The following RALY variants were observed in gnomAD, a reference collection of about 807,000 sequenced individuals.
RALY encodes the protein RALY heterogeneous nuclear ribonucleoprotein.
A neutral mutation model predicts 30.7 loss-of-function variants in RALY; 15 were observed. The ratio of observed to expected loss-of-function variants is 0.49; its 90% CI spans 0.33 to 0.75. RALY has a LOEUF of 0.75. Among genes scored for constraint, RALY ranks in the 30% least tolerant of loss-of-function variants. The pLI is 0.02. For missense variants in RALY, 339 were observed against 414.3 expected, an observed-to-expected ratio of 0.82 and a Z score of 1.58; for synonymous variants, 177 against 170.8, an observed-to-expected ratio of 1.04 and a Z score of -0.28.
At chr20:34,076,962 G>A in intron 7 of RALY, 66 bp from the exon 8 acceptor site, 2 of 1,608,112 alleles carry the variant, frequency 1.2e-6, no homozygotes, top group South Asian at 1.1e-5. Flanking sequence ...TTCCGCTAAG[G>A]TGCTGCCCTA....
At chr20:34,030,918 T>C (rs1017006140) in intron 1 of RALY, among the ~76,000 whole-genome samples, 3 of 152,154 alleles carry the variant, frequency 2.0e-5, no homozygotes, top group African/African-American at 7.2e-5. Context: ...TGTGACCCTT[T>C]GTAGAGGCCC....
chr20:34,013,413 CAAAAAAAAAAAAA>C (rs34859292), intron 1 of RALY, among the ~76,000 whole-genome samples: 3 of 84,798 alleles, frequency 3.5e-5, no homozygotes, highest in Admixed American at 1.5e-4. Flanking sequence ...GACCTTGTCT[CAAAAAAAAAAAAA>C]AAAAAAAAAA....
At chr20:34,070,425 C>T (rs1454652328) in intron 2 of RALY, among the ~76,000 whole-genome samples, 2 of 152,244 alleles carry the variant, frequency 1.3e-5, no homozygotes, top group African/African-American at 2.4e-5. Flanking sequence ...TTGTACAGCC[C>T]TTTGGGGTAA....
chr20:34,065,028 C>T (rs1252512913), intron 2 of RALY: 2 of 152,120 alleles, frequency 1.3e-5, no homozygotes, highest in African/African-American at 2.4e-5. Flanking sequence ...ACTAAGAAAT[C>T]GTTTTTAAAA....
At chr20:34,015,586 CT>C (rs752571889) in intron 1 of RALY, among the ~76,000 whole-genome samples, 759 of 144,178 alleles carry the variant, frequency 5.3e-3, no homozygotes, top group East Asian at 7.4e-3. Context: ...TTGGCATAGA[CT>C]TTTTTTTTTT....
chr20:34,072,371 A>G, intron 3 of RALY, 41 bp downstream of exon 3: 1 of 1,582,366 alleles, frequency 6.3e-7, no homozygotes, highest in Non-Finnish European at 8.6e-7. Flanking sequence ...ATTCTCTAGA[A>G]TAGCTGCTAT....
At chr20:34,027,061 G>A (rs2032071223) in intron 1 of RALY, among the ~76,000 whole-genome samples, 1 of 152,094 alleles carries the variant, frequency 6.6e-6, no homozygotes, top group Non-Finnish European at 1.5e-5. Context: ...CCTGCCATAA[G>A]GTCACAATCT....
At chr20:33,997,103 G>A (rs1454578126) in intron 1 of RALY, among the ~76,000 whole-genome samples, 1 of 152,086 alleles carries the variant, frequency 6.6e-6, no homozygotes, top group Non-Finnish European at 1.5e-5. Flanking sequence ...CCCAGTATCT[G>A]CAGAAGAGAC....
intron 1 of RALY, among the ~76,000 whole-genome samples, chr20:33,997,488 A>C (rs1244343805): frequency 1.3e-5 from 2 of 152,092 alleles, no homozygotes; most frequent in Non-Finnish European, 2.9e-5. Flanking sequence ...CTGACAGTCC[A>C]GGGTTTGGGG....
At chr20:34,045,967 A>G (rs75165565) in intron 2 of RALY, among the ~76,000 whole-genome samples, 13 of 152,284 alleles carry the variant, frequency 8.5e-5, no homozygotes, top group African/African-American at 2.4e-4. Context: ...TTCCAGCGGA[A>G]GGGAATCAAG....
chr20:34,010,518 T>G (rs2031354855), intron 1 of RALY, among the ~76,000 whole-genome samples: 1 of 152,186 alleles, frequency 6.6e-6, no homozygotes, highest in South Asian at 2.1e-4. Context: ...ATTACAGGCC[T>G]GAGCCACTGC....
chr20:34,032,272 C>CT (rs2032313360), intron 2 of RALY, among the ~76,000 whole-genome samples: 1 of 152,112 alleles, frequency 6.6e-6, no homozygotes. Flanking sequence ...CCCGTAGAGA[C>CT]TTTCTTAGCT....
intron 1 of RALY, among the ~76,000 whole-genome samples, chr20:33,998,817 A>G (rs952115749): frequency 4.6e-5 from 7 of 151,994 alleles, no homozygotes; most frequent in African/African-American, 1.5e-4. Flanking sequence ...GAGCGTGTGC[A>G]AGAGTGTGTG....
intron 1 of RALY, among the ~76,000 whole-genome samples, chr20:34,021,111 A>G (rs2123053517): frequency 6.6e-6 from 1 of 152,156 alleles, no homozygotes; most frequent in South Asian, 2.1e-4. Context: ...ACAGGCGTGC[A>G]CCACCACGCC....
At position 34,075,880 on chromosome 20, in the gene RALY, C is replaced by T. The variant is rs1438768660; in HGVS notation, c.384C>T (p.Phe128=). Residue 128 remains phenylalanine (F), a synonymous_variant, in exon 6 of 10, where the codon TTC becomes TTT. Transcript: ENST00000246194. The part of the protein sequence containing the change: ...YYRDDFYDRL[F]DYRGRLSPVP... The stretch of plus-strand genomic sequence containing the variant: ...GGCCCATCTGCCCTCACAGGCTCTT[C>T]GACTACCGGGGCCGTCTGTCGCCCG... The T allele has an allele frequency of 3.7e-6, 6 of 1,612,354 alleles. No individual in the cohort carries two copies. Among genetic ancestry groups the T allele is most frequent in the Admixed American group, 3.3e-5 (2 of 59,888 alleles).
At chr20:34,022,166 G>A (rs145211488) in intron 1 of RALY, among the ~76,000 whole-genome samples, 1 of 150,786 alleles carries the variant, frequency 6.6e-6, no homozygotes, top group East Asian at 1.9e-4. Context: ...CTGGGCTCAG[G>A]TGGTCTCCTG....
chr20:33,995,711 C>T (rs1257555587), intron 1 of RALY, among the ~76,000 whole-genome samples: 1 of 152,124 alleles, frequency 6.6e-6, no homozygotes, highest in Non-Finnish European at 1.5e-5. Flanking sequence ...ACCATCTGGT[C>T]CAACTTTTTC....
intron 5 of RALY, 77 bp from the exon 6 acceptor site, chr20:34,075,797 C>T (rs1427857625): frequency 1.4e-6 from 2 of 1,470,236 alleles, no homozygotes; most frequent in Non-Finnish European, 1.8e-6. Context: ...CAGCCACACA[C>T]GTTTGTAGCC....
At chr20:34,008,837 T>G (rs2031277413) in intron 1 of RALY, among the ~76,000 whole-genome samples, 1 of 152,190 alleles carries the variant, frequency 6.6e-6, no homozygotes, top group Non-Finnish European at 1.5e-5. Context: ...TTTTAAATTT[T>G]TTTGTAGAGA....
Sources: allele counts gnomAD v4.1 joint callset (sites outside exome capture counted in the v4.1 genomes callset), GRCh38; gene constraint gnomAD v4.1.1; transcripts MANE v1.5; gene names NCBI Gene and HGNC (gene_info 2026-07-23, HGNC 2026-07-21).